The following TMED5 variants were observed in gnomAD, a reference collection of about 807,000 sequenced individuals.
TMED5 encodes transmembrane emp24 domain-containing protein 5.
In TMED5, 27 loss-of-function variants were observed where a neutral mutation model predicts 23.0. That is an observed-to-expected ratio of 1.17 (90% CI 0.86 to 1.62). The LOEUF (loss-of-function observed/expected upper bound fraction) is 1.62. TMED5 is among the 40% of genes most tolerant of loss of function. The pLI is 0.00. For missense variants in TMED5, 248 were observed against 273.7 expected (o/e 0.91, Z 0.66); for synonymous variants, 97 against 100.8 (o/e 0.96, Z 0.23).
At chr1:93,160,087 G>T in intron 2 of TMED5, 42 bp downstream of exon 2, 3 of 1,204,842 alleles carry the variant, frequency 2.5e-6, no homozygotes, top group Non-Finnish European at 3.7e-6. Context: ...TAACCCACTG[G>T]TATTATTCAG....
intron 1 of TMED5, among the ~76,000 whole-genome samples, chr1:93,176,443 ATT>A (rs1298512124): frequency 2.0e-5 from 3 of 152,034 alleles, no homozygotes; most frequent in Non-Finnish European, 4.4e-5. Context: ...CCTAGTAAAT[ATT>A]TTGACATGTA....
At position 93,149,993 on chromosome 1, in the gene TMED5, T is replaced by C. The variant is rs1647816939; in HGVS notation, c.*4677A>G. 1 of 152,112 alleles carries C rather than the reference T, an allele frequency of 6.6e-6. No homozygotes were observed. Among genetic ancestry groups the C allele is most frequent in the African/African-American group, 2.4e-5 (1 of 41,394 alleles). The allele number at this position is 152,112 out of a possible 1,614,324, so 9.4% of individuals were successfully genotyped here. A position where few individuals can be genotyped will look rare whatever the true frequency, so the allele number is the denominator to read the frequency against. ...TGGCGAAATTAATTAGTCAGAAATA[T>C]GTATATACCAACATACTAATATGTT... On this transcript the variant is annotated 3_prime_UTR_variant, in exon 4 of 4. Coordinates refer to ENST00000370282, the MANE Select transcript of TMED5 (RefSeq NM_016040.5).
In TMED5 at chr1:93,173,527, A is replaced by G. The variant is rs568770184; in HGVS notation, c.189+6527T>C. On this transcript the variant is annotated intron_variant, in intron 1 of 3. Transcript: ENST00000370282. ...CTACAAGAGAAAATAGAGATGAACT[A>G]CAAATATATAACAAACTGACAGGAA... is the stretch of plus-strand genomic sequence containing the variant. 2.0e-5 allele frequency among the ~76,000 whole-genome samples: 3 copies of G among 152,366 alleles called. No homozygotes were observed. The South Asian group carries it at 6.2e-4, about 32-fold the overall frequency.
At chr1:93,169,347 A>T (rs938998929) in intron 1 of TMED5, among the ~76,000 whole-genome samples, 1 of 152,106 alleles carries the variant, frequency 6.6e-6, no homozygotes, top group Non-Finnish European at 1.5e-5. Context: ...TCAAGATAAA[A>T]TTTTTTTTAA....
At chr1:93,174,707 AT>A in intron 1 of TMED5, among the ~76,000 whole-genome samples, 1 of 152,084 alleles carries the variant, frequency 6.6e-6, no homozygotes, top group African/African-American at 2.4e-5. Flanking sequence ...AGTTCTTACC[AT>A]TTAGCTCTCA....
chr1:93,157,371 GA>G (rs1243989052), intron 2 of TMED5, among the ~76,000 whole-genome samples: 3 of 152,126 alleles, frequency 2.0e-5, no homozygotes, highest in African/African-American at 7.2e-5. Flanking sequence ...AAGTGCTGAA[GA>G]AAAAAATGAA....
intron 1 of TMED5, chr1:93,162,378 C>T (rs929939230): frequency 6.6e-6 from 1 of 152,286 alleles, no homozygotes; most frequent in Non-Finnish European, 1.5e-5. Context: ...GGGTGGTTCA[C>T]TTGAGGTCAG....
chr1:93,179,587 C>T (rs1649183563), intron 1 of TMED5, among the ~76,000 whole-genome samples: 1 of 152,182 alleles, frequency 6.6e-6, no homozygotes, highest in South Asian at 2.1e-4. Flanking sequence ...TCCAAAAACC[C>T]TTAACTGAAG....
intron 1 of TMED5, among the ~76,000 whole-genome samples, chr1:93,163,835 T>G (rs986645275): frequency 2.0e-5 from 3 of 151,066 alleles, no homozygotes; most frequent in African/African-American, 7.3e-5. Context: ...ATACAAAAAT[T>G]AGCTGGACAT....
rs1647838553 is a variant in TMED5 at position 93,150,586 on chromosome 1, C to A, written c.*4084G>T. 6.6e-6 allele frequency: 1 copy of A among 152,232 alleles called. No homozygotes were observed. The highest frequency in any genetic ancestry group is 2.1e-4 in the South Asian group (1 of 4,830). The allele number at this position is 152,232 out of a possible 1,614,324, so 9.4% of individuals were successfully genotyped here. On this transcript the variant is annotated 3_prime_UTR_variant, in exon 4 of 4. Transcript: ENST00000370282. ...TCACCAGCAACGTATGAGTGGTCCACTTATCCAATTTCTCTTGCATCCTAG... is the reference window on the plus strand; with the variant it reads ...TCACCAGCAACGTATGAGTGGTCCAATTATCCAATTTCTCTTGCATCCTAG...
At position 93,160,184 on chromosome 1, in the gene TMED5, A is replaced by C; in HGVS notation, c.232T>G (p.Ser78Ala). ...AAAACTAAGGTTTTGCCTTCTGGAG[A>C]GGCAAGATGGAAATCAATATCTAAT... ...AGLDIDFHLA[S>A]PEGKTLVFEQ... is the part of the protein sequence containing the mutation. The change falls in exon 2 of 4, where the codon TCT (serine) becomes GCT (alanine). Residue 78 changes from serine to alanine, a missense_variant. Coordinates refer to ENST00000370282, the MANE Select transcript of TMED5 (RefSeq NM_016040.5). 6.2e-7 allele frequency: 1 copy of C among 1,613,324 alleles called. No individual in the cohort carries two copies. Among genetic ancestry groups the C allele is most frequent in the Non-Finnish European group, 8.5e-7 (1 of 1,179,590 alleles).
chr1:93,149,800 T>C lies in TMED5; in HGVS notation c.*4870A>G, dbSNP rs1647809471. 1 of 152,238 alleles carries C rather than the reference T, an allele frequency of 6.6e-6. No individual in the cohort carries two copies. Among genetic ancestry groups the C allele is most frequent in the South Asian group, 2.1e-4 (1 of 4,836 alleles). The allele number at this position is 152,238 out of a possible 1,614,324, so 9.4% of individuals were successfully genotyped here. A position where few individuals can be genotyped will look rare whatever the true frequency, so the allele number is the denominator to read the frequency against. On this transcript the variant is annotated 3_prime_UTR_variant, in exon 4 of 4. Coordinates refer to ENST00000370282, the MANE Select transcript of TMED5 (RefSeq NM_016040.5). ...TGTAATTGTTCCATTTTGTTAGCTA[T>C]TGTTAATCTCTTAATGTGCCTAATT...
intron 1 of TMED5, among the ~76,000 whole-genome samples, chr1:93,178,259 AATACAAACTC>A (rs1427953748): frequency 1.3e-5 from 2 of 152,224 alleles, no homozygotes; most frequent in Non-Finnish European, 2.9e-5. Context: ...CTTAAAGTCT[AATACAAACTC>A]AGTACTTGTA....
chr1:93,150,686 G>T lies in TMED5; in HGVS notation c.*3984C>A, dbSNP rs887415210. ...TGGTATTACGTGTCCTTTTAGAATT[G>T]AAATCAAGGGTAGAAAGGTTAGATT... On this transcript the variant is annotated 3_prime_UTR_variant, in exon 4 of 4. Coordinates refer to ENST00000370282, the MANE Select transcript of TMED5 (RefSeq NM_016040.5). 6.6e-6 allele frequency: 1 copy of T among 152,134 alleles called. No homozygotes were observed. Among genetic ancestry groups the T allele is most frequent in the Admixed American group, 6.5e-5 (1 of 15,270 alleles). The allele number at this position is 152,134 out of a possible 1,614,324, so 9.4% of individuals were successfully genotyped here.
intron 1 of TMED5, among the ~76,000 whole-genome samples, chr1:93,178,872 C>T (rs1379575332): frequency 6.6e-6 from 1 of 152,176 alleles, no homozygotes; most frequent in Non-Finnish European, 1.5e-5. Flanking sequence ...AAAAAATTAA[C>T]ATTTGATGAT....
In TMED5 at chr1:93,156,358, T is replaced by C; in HGVS notation, c.413A>G (p.Asp138Gly). 1 of 1,613,978 alleles carries C rather than the reference T, an allele frequency of 6.2e-7. No individual in the cohort carries two copies. The highest frequency in any genetic ancestry group is 1.7e-5 in the Admixed American group (1 of 60,022). ...TGTGCCAGTAATATATTTCTTCCAATCTTCTTGTTCTTGTGCCTGTTCTCC... is the reference window on the plus strand; with the variant it reads ...TGTGCCAGTAATATATTTCTTCCAACCTTCTTGTTCTTGTGCCTGTTCTCC... ...NMGEQAQEQEDWKKYITGTDI... is the reference protein window; with the variant it reads ...NMGEQAQEQEGWKKYITGTDI... The change falls in exon 3 of 4, where the codon GAT becomes GGT. Residue 138 changes from aspartate (D) to glycine (G), a missense_variant. Asp to Gly is a moderately conservative substitution (Grantham distance 94). Transcript: ENST00000370282.
intron 2 of TMED5, 74 bp downstream of exon 2, chr1:93,160,055 C>T (rs1648213912): frequency 1.2e-6 from 1 of 840,566 alleles, no homozygotes; most frequent in Non-Finnish European, 2.0e-6. Context: ...ATCAAATGTG[C>T]TAACTTTCCA....
chr1:93,165,359 T>C (rs1296301675), intron 1 of TMED5, among the ~76,000 whole-genome samples: 1 of 152,206 alleles, frequency 6.6e-6, no homozygotes, highest in African/African-American at 2.4e-5. Context: ...TTTAATCTAA[T>C]AAATAGATCA....
rs148624829 is a variant in TMED5, at chr1:93,160,457, T to C, written c.190-231A>G. 6.7e-4 allele frequency: 240 copies of C among 357,052 alleles called. 1 individual carries two copies. Among genetic ancestry groups the C allele is most frequent in the African/African-American group, 4.4e-3 (215 of 49,186 alleles). The allele number at this position is 357,052 out of a possible 1,614,324, so 22.1% of individuals were successfully genotyped here. On this transcript the variant is annotated intron_variant, in intron 1 of 3. Coordinates refer to ENST00000370282, the MANE Select transcript of TMED5 (RefSeq NM_016040.5). ...CACCATCACCTAAATTTAGGCCTTA[T>C]GGATATTACTGAAATAAATCTTCCT...
Sources: allele counts gnomAD v4.1 joint callset (sites outside exome capture counted in the v4.1 genomes callset), GRCh38; gene constraint gnomAD v4.1.1; transcripts MANE v1.5; gene names NCBI Gene and HGNC (gene_info 2026-07-23, HGNC 2026-07-21).